ITGA8: variants seen among roughly 807,000 people sequenced by gnomAD.
ITGA8 encodes integrin alpha-8.
In ITGA8, 91 loss-of-function variants were observed where a neutral mutation model predicts 142.3. That is an observed-to-expected ratio of 0.64 (90% CI 0.54 to 0.76). The LOEUF (loss-of-function observed/expected upper bound fraction) is 0.76. ITGA8 is among the 30% of genes least tolerant of loss of function. ITGA8 has a pLI of 0.00. For missense variants in ITGA8, 1,406 were observed against 1,327.7 expected (o/e 1.06, Z -0.92); for synonymous variants, 505 against 485.2 (o/e 1.04, Z -0.54).
At chr10:15,681,558 T>C (rs1834737876) in intron 4 of ITGA8, among the ~76,000 whole-genome samples, 2 of 152,238 alleles carry the variant, frequency 1.3e-5, no homozygotes, top group Non-Finnish European at 2.9e-5. Context: ...TCTGAAACTT[T>C]TCCCCTACAA....
intron 26 of ITGA8, among the ~76,000 whole-genome samples, chr10:15,554,425 C>T (rs753294592): frequency 2.0e-5 from 3 of 152,184 alleles, no homozygotes; most frequent in Non-Finnish European, 4.4e-5. Flanking sequence ...GGGCTAGTGC[C>T]TCTCTGGCAT....
In ITGA8 at chr10:15,598,272, C is replaced by T. The variant is rs147077535; in HGVS notation, c.2119-973G>A. Among the ~76,000 whole-genome samples the T allele has an allele frequency of 7.4e-3, 1,124 of 152,246 alleles. 19 individuals are homozygous for T. The highest frequency in any genetic ancestry group is 0.026 in the African/African-American group (1,059 of 41,526). On this transcript the variant is annotated intron_variant, in intron 20 of 29. Transcript: ENST00000378076. ...GGAATTTCTGTCCCTGTGATAGGTT[C>T]GGAAGAGGGTTCTCAATATAATGAC...
intron 14 of ITGA8, among the ~76,000 whole-genome samples, chr10:15,614,980 G>A (rs1833366892): frequency 6.6e-6 from 1 of 152,180 alleles, no homozygotes; most frequent in South Asian, 2.1e-4. Flanking sequence ...AAGGATCAAG[G>A]GAAGGACAGA....
At chr10:15,583,133 A>G (rs1232182910) in intron 23 of ITGA8, among the ~76,000 whole-genome samples, 1 of 152,234 alleles carries the variant, frequency 6.6e-6, no homozygotes, top group South Asian at 2.1e-4. Context: ...ATCCAGATAG[A>G]CTGGATAAAG....
intron 27 of ITGA8, among the ~76,000 whole-genome samples, chr10:15,544,963 A>G (rs1317586822): frequency 6.6e-6 from 1 of 152,176 alleles, no homozygotes; most frequent in African/African-American, 2.4e-5. Context: ...CAGAGCCTCC[A>G]GCCCCTCAAG....
rs568148482 is a variant in ITGA8, at chr10:15,634,535, C to A, written c.1399+9495G>T. Among the ~76,000 whole-genome samples the A allele has an allele frequency of 2.0e-5, 3 of 152,148 alleles. No homozygotes were observed. The East Asian group carries it at 5.8e-4, about 29-fold the overall frequency. On this transcript the variant is annotated intron_variant, in intron 13 of 29. Transcript: ENST00000378076. ...AGCTAGAATTTGATTTAATTCGGGC[C>A]CGTGAGAGCAGGATCTTTGTTTAAT...
chr10:15,553,416 C>T (rs113061886), intron 26 of ITGA8, among the ~76,000 whole-genome samples: 226 of 150,626 alleles, frequency 1.5e-3, no homozygotes, highest in Non-Finnish European at 2.6e-3. Context: ...ATTTTTCTGT[C>T]CATTTCCATA....
chr10:15,709,259 T>C (rs1835319291), intron 2 of ITGA8, among the ~76,000 whole-genome samples: 1 of 152,214 alleles, frequency 6.6e-6, no homozygotes, highest in Non-Finnish European at 1.5e-5. Context: ...CCAGCTTTCA[T>C]TCTGTCAGTT....
chr10:15,537,435 C>T (rs1169237332), intron 27 of ITGA8, among the ~76,000 whole-genome samples: 1 of 152,164 alleles, frequency 6.6e-6, no homozygotes, highest in East Asian at 1.9e-4. Flanking sequence ...TGATGCTTTT[C>T]CCTAGGACTT....
chr10:15,634,978 C>G (rs1403832683), intron 13 of ITGA8, among the ~76,000 whole-genome samples: 2 of 148,176 alleles, frequency 1.3e-5, no homozygotes, highest in African/African-American at 2.5e-5. Context: ...AATAATTTCA[C>G]TAAATATTTT....
At chr10:15,630,488 A>G (rs945372364) in intron 13 of ITGA8, among the ~76,000 whole-genome samples, 4 of 151,996 alleles carry the variant, frequency 2.6e-5, no homozygotes, top group Non-Finnish European at 4.4e-5. Context: ...CAGAAAGGAC[A>G]TTTATCAAAG....
At chr10:15,559,221 C>T (rs745673220) in intron 25 of ITGA8, among the ~76,000 whole-genome samples, 1 of 152,206 alleles carries the variant, frequency 6.6e-6, no homozygotes, top group African/African-American at 2.4e-5. Flanking sequence ...CTGGCCTTGG[C>T]CGGTTTCTCC....
chr10:15,682,750 C>T (rs1487409677), intron 4 of ITGA8, among the ~76,000 whole-genome samples: 2 of 151,148 alleles, frequency 1.3e-5, no homozygotes, highest in East Asian at 3.9e-4. Context: ...ACTTGGCAGG[C>T]TGAGGTGGGA....
intron 8 of ITGA8, among the ~76,000 whole-genome samples, chr10:15,670,650 C>G (rs1834494606): frequency 6.6e-6 from 1 of 152,190 alleles, no homozygotes; most frequent in African/African-American, 2.4e-5. Flanking sequence ...TCATCTCAAT[C>G]AAATCTACAT....
intron 13 of ITGA8, among the ~76,000 whole-genome samples, chr10:15,628,281 T>C (rs1188832280): frequency 6.6e-6 from 1 of 150,728 alleles, no homozygotes; most frequent in Non-Finnish European, 1.5e-5. Context: ...ACTTTCTTAA[T>C]AAACTTCCTT....
chr10:15,520,693 G>A (rs370923190), intron 28 of ITGA8, among the ~76,000 whole-genome samples: 4 of 152,338 alleles, frequency 2.6e-5, no homozygotes, highest in East Asian at 1.9e-4. Flanking sequence ...AGAAAAGAGC[G>A]CTACATTATT....
At chr10:15,518,520 T>A (rs1833003705) in intron 29 of ITGA8, among the ~76,000 whole-genome samples, 1 of 152,250 alleles carries the variant, frequency 6.6e-6, no homozygotes, top group Non-Finnish European at 1.5e-5. Flanking sequence ...TGCTGCATAT[T>A]GTTTCAAAAT....
chr10:15,606,612 T>C (rs2032877625), intron 17 of ITGA8, among the ~76,000 whole-genome samples, 190 bp from the exon 18 acceptor site: 1 of 152,186 alleles, frequency 6.6e-6, no homozygotes, highest in South Asian at 2.1e-4. Context: ...ATATGTGCAG[T>C]GATGAAATCA....
intron 2 of ITGA8, among the ~76,000 whole-genome samples, chr10:15,693,863 T>C (rs7071878): frequency 0.18 from 27,686 of 151,808 alleles, 2,579 homozygotes; most frequent in Middle Eastern, 0.24. Flanking sequence ...CAGCTGAAGG[T>C]CCATAGGTTT....
Sources: allele counts gnomAD v4.1 joint callset (sites outside exome capture counted in the v4.1 genomes callset), GRCh38; gene constraint gnomAD v4.1.1; transcripts MANE v1.5; gene names NCBI Gene and HGNC (gene_info 2026-07-23, HGNC 2026-07-21).